CAMTA1: variants seen among roughly 807,000 people sequenced by gnomAD.
CAMTA1 encodes calmodulin binding transcription activator 1.
A neutral mutation model predicts 170.9 loss-of-function variants in CAMTA1; 27 were observed. That is an observed-to-expected ratio of 0.16 (90% CI 0.12 to 0.22). The LOEUF (loss-of-function observed/expected upper bound fraction) is 0.22, where lower values mean the gene tolerates loss of function less well. CAMTA1 is among the 10% of genes least tolerant of loss of function. The pLI is 1.00. For synonymous variants in CAMTA1, 833 were observed against 891.5 expected (o/e 0.93, Z 1.17); for missense variants, 1,619 against 2,217.2 (o/e 0.73, Z 5.42).
chr1:7,053,494 G>A (rs1373560943), intron 3 of CAMTA1, among the ~76,000 whole-genome samples: 1 of 152,198 alleles, frequency 6.6e-6, no homozygotes, highest in African/African-American at 2.4e-5. Context: ...TAGAATGAGC[G>A]TCAGATCATG....
chr1:7,177,980 C>A (rs993736740), intron 4 of CAMTA1, among the ~76,000 whole-genome samples: 1 of 151,976 alleles, frequency 6.6e-6, no homozygotes, highest in Admixed American at 6.6e-5. Flanking sequence ...ACCCCCTCCC[C>A]ACGCGTGGAG....
chr1:7,480,632 A>C (rs2093515089), intron 6 of CAMTA1, among the ~76,000 whole-genome samples: 1 of 151,726 alleles, frequency 6.6e-6, no homozygotes, highest in African/African-American at 2.4e-5. Flanking sequence ...TTCCCTCCTT[A>C]TGAACGCTCC....
In CAMTA1 at chr1:7,426,467, G is replaced by C. The variant is rs367562707; in HGVS notation, c.439-41363G>C. On this transcript the variant is annotated intron_variant, in intron 5 of 22. Transcript: ENST00000303635. This position sits in a 1 kb window ranked among gnomAD's most constrained non-coding sequence, Gnocchi z 4.8. The stretch of plus-strand genomic sequence containing the variant: ...CATTATCTATTAATACTAAATAACT[G>C]CATCGATTCGATTGATACTACTTGT... 1.3e-5 allele frequency among the ~76,000 whole-genome samples: 2 copies of C among 152,190 alleles called. No individual in the cohort carries two copies. Among genetic ancestry groups the C allele is most frequent in the Non-Finnish European group, 2.9e-5 (2 of 68,036 alleles).
chr1:7,205,542 T>A (rs371660747), intron 4 of CAMTA1, among the ~76,000 whole-genome samples: 3 of 152,270 alleles, frequency 2.0e-5, no homozygotes, highest in Non-Finnish European at 4.4e-5. Context: ...TTTATTTTTA[T>A]GAAATGTCCT....
intron 3 of CAMTA1, among the ~76,000 whole-genome samples, chr1:6,994,857 A>G (rs535771558): frequency 6.6e-6 from 1 of 152,092 alleles, no homozygotes; most frequent in Admixed American, 6.5e-5. Context: ...CTGTAGAGAC[A>G]GAGTTTCGCC....
In CAMTA1 at chr1:7,669,403, G is replaced by T. The variant is rs115544429; in HGVS notation, c.2653-1508G>T. On this transcript the variant is annotated intron_variant, in intron 9 of 22. Coordinates refer to ENST00000303635, the MANE Select transcript of CAMTA1 (RefSeq NM_015215.4). ...AGGCCTGGGTTCCAGGAACATTGTG[G>T]GGCGCCTAGGGCAGGCTCCTTGTAG... Among the ~76,000 whole-genome samples, 388 of 152,368 alleles carry T rather than the reference G, an allele frequency of 2.5e-3. 3 individuals carry two copies. Among genetic ancestry groups the T allele is most frequent in the African/African-American group, 8.8e-3 (364 of 41,598 alleles).
At position 7,010,290 on chromosome 1, in the gene CAMTA1, G is replaced by A. The variant is rs920338473; in HGVS notation, c.235-81014G>A. On this transcript the variant is annotated intron_variant, in intron 3 of 22. Coordinates refer to ENST00000303635, the MANE Select transcript of CAMTA1 (RefSeq NM_015215.4). The surrounding 1 kb of genome is among the most constrained non-coding windows in gnomAD (Gnocchi z 4.4). ...GGACCCCAGGGCCGGCTCCTGGGCC[G>A]CCCCCTCACTCGGCGTCCAGTGCTC... Among the ~76,000 whole-genome samples the A allele has an allele frequency of 8.5e-5, 13 of 152,102 alleles. No individual in the cohort carries two copies. Among genetic ancestry groups the A allele is most frequent in the South Asian group, 2.1e-4 (1 of 4,826 alleles).
intron 3 of CAMTA1, among the ~76,000 whole-genome samples, chr1:6,963,297 C>G (rs1690891064): frequency 9.2e-6 from 1 of 108,234 alleles, no homozygotes; most frequent in East Asian, 2.8e-4. Flanking sequence ...CGCTTTCCAT[C>G]CCGGCCTTGC....
At chr1:7,460,860 C>A (rs1487522297) in intron 5 of CAMTA1, among the ~76,000 whole-genome samples, 1 of 152,122 alleles carries the variant, frequency 6.6e-6, no homozygotes, top group Non-Finnish European at 1.5e-5. Flanking sequence ...ACAGCCACTT[C>A]CCTAGCGGCA....
intron 4 of CAMTA1, among the ~76,000 whole-genome samples, chr1:7,139,815 G>A (rs1357650073): frequency 6.6e-6 from 1 of 152,156 alleles, no homozygotes; most frequent in African/African-American, 2.4e-5. Flanking sequence ...GCAGCAGTTC[G>A]CAATGCTTCG....
chr1:7,152,889 G>T (rs746665319), intron 4 of CAMTA1, among the ~76,000 whole-genome samples: 1 of 152,220 alleles, frequency 6.6e-6, no homozygotes, highest in Non-Finnish European at 1.5e-5. Context: ...TGGCAAAATC[G>T]ATTTTGACAT....
At chr1:7,678,653 A>G (rs1426081545) in intron 11 of CAMTA1, among the ~76,000 whole-genome samples, 1 of 152,196 alleles carries the variant, frequency 6.6e-6, no homozygotes, top group African/African-American at 2.4e-5. Flanking sequence ...GGGATGCGGT[A>G]GGAGGGATGC....
rs1323154360 is a variant in CAMTA1, at chr1:7,588,308, G to A, written c.511-52092G>A. Among the ~76,000 whole-genome samples, 1 of 152,192 alleles carries A rather than the reference G, an allele frequency of 6.6e-6. No individual in the cohort carries two copies. Among genetic ancestry groups the A allele is most frequent in the Non-Finnish European group, 1.5e-5 (1 of 68,038 alleles). On this transcript the variant is annotated intron_variant, in intron 6 of 22. Transcript: ENST00000303635. The surrounding 1 kb of genome is among the most constrained non-coding windows in gnomAD (Gnocchi z 5.8). ...TGGCCCTGCTGGGGACCCCGGGTCT[G>A]TCAGGTCTGGTGAGAGGTGGCTCTG...
intron 5 of CAMTA1, among the ~76,000 whole-genome samples, chr1:7,289,081 G>A (rs1320305407): frequency 6.6e-6 from 1 of 152,038 alleles, no homozygotes; most frequent in Non-Finnish European, 1.5e-5. Flanking sequence ...AGGAAGAGAG[G>A]GGAGGGAGGT....
chr1:7,539,915 C>G (rs1175262365), intron 6 of CAMTA1, among the ~76,000 whole-genome samples: 1 of 152,218 alleles, frequency 6.6e-6, no homozygotes, highest in African/African-American at 2.4e-5. Flanking sequence ...CAAGCAGCGC[C>G]CTCTGCTGGG....
chr1:7,055,056 G>A (rs1211083155), intron 3 of CAMTA1, among the ~76,000 whole-genome samples: 1 of 152,132 alleles, frequency 6.6e-6, no homozygotes, highest in African/African-American at 2.4e-5. Context: ...GCTGTCACAA[G>A]AGCAGCACCG....
chr1:6,969,692 TG>T (rs1239753118), intron 3 of CAMTA1, among the ~76,000 whole-genome samples: 1 of 152,190 alleles, frequency 6.6e-6, no homozygotes, highest in Non-Finnish European at 1.5e-5. Context: ...AAAGGTTGGA[TG>T]GGTGTTTATT....
Position 6,969,183 on chromosome 1 carries a change from G to A in CAMTA1, c.235-122121G>A, listed in dbSNP as rs1266013206. On this transcript the variant is annotated intron_variant, in intron 3 of 22. Transcript: ENST00000303635. ...CCAGATGCCTTGTCTACCGCAAAGG[G>A]CACTTGTTGGATCAGCCCGAGCCAT... 2.0e-5 allele frequency among the ~76,000 whole-genome samples: 3 copies of A among 152,162 alleles called. 1 individual carries two copies. Among genetic ancestry groups the A allele is most frequent in the African/African-American group, 7.2e-5 (3 of 41,428 alleles).
Position 7,664,877 on chromosome 1 carries a change from T to A in CAMTA1, c.2330T>A (p.Ile777Asn), listed in dbSNP as rs1355220161. The A allele has an allele frequency of 6.2e-7, 1 of 1,613,212 alleles. No homozygotes were observed. Among genetic ancestry groups the A allele is most frequent in the African/African-American group, 1.3e-5 (1 of 74,930 alleles). ...ISFSNQFSDL[I>N]NDFISVEGGS... Reference sequence around the variant, plus strand: ...TTCAGCAACCAGTTCTCCGACCTGATCAACGACTTCATCTCCGTGGAGGGG... The same window carrying A: ...TTCAGCAACCAGTTCTCCGACCTGAACAACGACTTCATCTCCGTGGAGGGG... The change falls in exon 9 of 23, where the codon ATC becomes AAC. Residue 777 changes from isoleucine (I) to asparagine (N), a missense_variant. By Grantham distance (149) the Ile-to-Asn change is moderately radical. Coordinates refer to ENST00000303635, the MANE Select transcript of CAMTA1 (RefSeq NM_015215.4).
Sources: allele counts gnomAD v4.1 joint callset (sites outside exome capture counted in the v4.1 genomes callset), GRCh38; gene constraint gnomAD v4.1.1; non-coding constraint Gnocchi (gnomAD v3.1); transcripts MANE v1.5; gene names NCBI Gene and HGNC (gene_info 2026-07-23, HGNC 2026-07-21).